The following PEX13 variants were observed in gnomAD, a reference collection of about 807,000 sequenced individuals.
PEX13 encodes the protein peroxisome biogenesis factor 13.
A neutral mutation model predicts 34.5 loss-of-function variants in PEX13; 28 were observed. That is an observed-to-expected ratio of 0.81 (90% CI 0.60 to 1.11). The LOEUF (loss-of-function observed/expected upper bound fraction) is 1.11. PEX13 is among the 50% of genes most tolerant of loss of function. The pLI is 0.00. For missense variants in PEX13, 550 were observed against 491.0 expected (o/e 1.12, Z -1.13); for synonymous variants, 177 against 175.1 (o/e 1.01, Z -0.09).
At chr2:61,032,169 A>G (rs1037402654) in intron 2 of PEX13, 56 bp downstream of exon 2, 38 of 1,215,960 alleles carry the variant, frequency 3.1e-5, no homozygotes, top group Non-Finnish European at 3.4e-5. Context: ...TCAAATTTCA[A>G]GAATAGATTT....
chr2:61,025,547 CAG>C (rs1272174974), intron 1 of PEX13, among the ~76,000 whole-genome samples: 2 of 152,028 alleles, frequency 1.3e-5, no homozygotes, highest in African/African-American at 4.8e-5. Flanking sequence ...TTAGTAGAGA[CAG>C]GGTTTCGCCA....
intron 2 of PEX13, among the ~76,000 whole-genome samples, chr2:61,034,692 G>T (rs1680506767): frequency 6.6e-6 from 1 of 152,226 alleles, no homozygotes; most frequent in Admixed American, 6.5e-5. Context: ...TGCCCACGGA[G>T]CCTTGCTCAC....
intron 1 of PEX13, among the ~76,000 whole-genome samples, chr2:61,027,746 C>T (rs1251216019): frequency 2.6e-5 from 4 of 152,122 alleles, no homozygotes; most frequent in Admixed American, 2.6e-4. Flanking sequence ...TGTGTTAAAT[C>T]TAGATAATGT....
At chr2:61,046,949 G>T (rs1270030130) in intron 3 of PEX13, among the ~76,000 whole-genome samples, 1 of 152,038 alleles carries the variant, frequency 6.6e-6, no homozygotes, top group Non-Finnish European at 1.5e-5. Context: ...CTTAAGCGAG[G>T]TGCAGTGTGT....
At chr2:61,042,786 A>G (rs1431910079) in intron 2 of PEX13, among the ~76,000 whole-genome samples, 1 of 152,254 alleles carries the variant, frequency 6.6e-6, no homozygotes, top group Non-Finnish European at 1.5e-5. Context: ...ATATGTCCAG[A>G]GAAAGTAAAC....
At chr2:61,017,952 C>G (rs1573543281) in intron 1 of PEX13, 101 bp downstream of exon 1, 2 of 1,379,348 alleles carry the variant, frequency 1.4e-6, no homozygotes, top group East Asian at 2.5e-5. Flanking sequence ...CCCTTCCCCC[C>G]TTTAACCAAT....
intron 1 of PEX13, among the ~76,000 whole-genome samples, chr2:61,027,413 G>C (rs904625239): frequency 4.0e-5 from 6 of 151,798 alleles, no homozygotes; most frequent in Admixed American, 3.3e-4. Flanking sequence ...ACATCAAGTC[G>C]GTCAGTTGTT....
chr2:61,021,187 A>T (rs2104795610), intron 1 of PEX13, among the ~76,000 whole-genome samples: 1 of 152,288 alleles, frequency 6.6e-6, no homozygotes, highest in South Asian at 2.1e-4. Context: ...GTCGCACCCC[A>T]TGGAGGGTGA....
rs1680744897 is a variant in PEX13 at position 61,048,518 on chromosome 2, C to G, written c.960C>G (p.Gly320=). 4 of 1,613,928 alleles carry G rather than the reference C, an allele frequency of 2.5e-6. No homozygotes were observed. Among genetic ancestry groups the G allele is most frequent in the Non-Finnish European group, 3.4e-6 (4 of 1,179,918 alleles). ...GTTGGCTTCTGGCTAGCCTTGATGG[C>G]CAAACAACAGGACTTATACCTGCGA... ...VRGWLLASLD[G]QTTGLIPANY... The change falls in exon 4 of 4, where the codon GGC becomes GGG. Residue 320 remains glycine (G), a synonymous_variant. Coordinates refer to ENST00000295030, the MANE Select transcript of PEX13 (RefSeq NM_002618.4).
chr2:61,031,393 CTG>C, intron 1 of PEX13, 24 bp from the exon 2 acceptor site: 2 of 1,537,990 alleles, frequency 1.3e-6, no homozygotes, highest in African/African-American at 1.4e-5. Flanking sequence ...GCTTAAATAA[CTG>C]TTTTGAATCT....
chr2:61,026,575 T>C (rs1452891256), intron 1 of PEX13, among the ~76,000 whole-genome samples: 1 of 151,880 alleles, frequency 6.6e-6, no homozygotes, highest in Non-Finnish European at 1.5e-5. Flanking sequence ...CTTGAACTCC[T>C]GACATTGTGA....
At chr2:61,020,323 A>G (rs1386103156) in intron 1 of PEX13, among the ~76,000 whole-genome samples, 1 of 152,214 alleles carries the variant, frequency 6.6e-6, no homozygotes, top group Non-Finnish European at 1.5e-5. Context: ...TAGTAGTTGC[A>G]AATGGGCTTT....
intron 1 of PEX13, among the ~76,000 whole-genome samples, chr2:61,029,139 CA>C (rs539310122): frequency 2.8e-4 from 37 of 130,350 alleles, no homozygotes; most frequent in Middle Eastern, 3.9e-3. Context: ...ACCCTGTCTC[CA>C]AAAAAAAAAA....
intron 1 of PEX13, chr2:61,018,812 T>G (rs1341298864): frequency 2.0e-5 from 3 of 152,388 alleles, no homozygotes; most frequent in African/African-American, 7.2e-5. Flanking sequence ...TGACATTATC[T>G]GCTACCTTTT....
intron 1 of PEX13, among the ~76,000 whole-genome samples, chr2:61,022,913 A>C (rs1680288121): frequency 6.6e-6 from 1 of 152,196 alleles, no homozygotes; most frequent in African/African-American, 2.4e-5. Flanking sequence ...ACTGTTGCAT[A>C]CATGTTCCTA....
At position 61,018,082 on chromosome 2, in the gene PEX13, C is replaced by T. The variant is rs1028233709; in HGVS notation, c.92+231C>T. The T allele has an allele frequency of 5.1e-5, 77 of 1,520,206 alleles. No homozygotes were observed. The Middle Eastern group carries it at 6.0e-4, about 12-fold the overall frequency. 94.2% of individuals were successfully genotyped at this position (1,520,206 alleles called of 1,614,324 possible). A position where few individuals can be genotyped will look rare whatever the true frequency, so the allele number is the denominator to read the frequency against. ...TCAGCAACGTTTTTTTCGGGAGCTC[C>T]TGGGCGTCTCTCTGGGTCTCTGTGC... On this transcript the variant is annotated intron_variant, in intron 1 of 3. Transcript: ENST00000295030.
intron 1 of PEX13, among the ~76,000 whole-genome samples, chr2:61,025,148 A>G (rs1189232440): frequency 6.6e-6 from 1 of 151,540 alleles, no homozygotes; most frequent in Non-Finnish European, 1.5e-5. Flanking sequence ...GGCTCATTGC[A>G]ACCTCTGCCA....
At chr2:61,024,973 A>C (rs952910140) in intron 1 of PEX13, among the ~76,000 whole-genome samples, 7 of 152,316 alleles carry the variant, frequency 4.6e-5, no homozygotes, top group African/African-American at 1.7e-4. Context: ...AATATATTCA[A>C]CACAGTTGTT....
chr2:61,023,983 G>T (rs1680310249), intron 1 of PEX13, among the ~76,000 whole-genome samples: 1 of 152,002 alleles, frequency 6.6e-6, no homozygotes, highest in African/African-American at 2.4e-5. Context: ...TTTTTGTAGA[G>T]ATGGGTTTTT....
Sources: allele counts gnomAD v4.1 joint callset (sites outside exome capture counted in the v4.1 genomes callset), GRCh38; gene constraint gnomAD v4.1.1; transcripts MANE v1.5; gene names NCBI Gene and HGNC (gene_info 2026-07-23, HGNC 2026-07-21).